FMN2: variants seen among roughly 807,000 people sequenced by gnomAD.
FMN2 encodes formin-2.
FMN2 carries 51 observed loss-of-function variants against 142.3 expected under a neutral mutation model. That is an observed-to-expected ratio of 0.36 (90% confidence interval 0.29 to 0.45). FMN2 has a LOEUF of 0.45. Among genes scored for constraint, FMN2 ranks in the 20% least tolerant of loss-of-function variants. The pLI, the probability that FMN2 is intolerant of heterozygous loss-of-function variation, is 1.00. For missense variants in FMN2, 1,936 were observed against 2,122.8 expected (o/e 0.91, Z 1.73); for synonymous variants, 882 against 869.8 (o/e 1.01, Z -0.25).
At chr1:240,246,868 A>G (rs1437600554) in intron 6 of FMN2, among the ~76,000 whole-genome samples, 4 of 152,188 alleles carry the variant, frequency 2.6e-5, no homozygotes, top group Admixed American at 6.5e-5. Flanking sequence ...TATAGATTTC[A>G]AATGTGTTAA....
chr1:240,270,013 C>T (rs754079562), intron 7 of FMN2, among the ~76,000 whole-genome samples: 1 of 151,950 alleles, frequency 6.6e-6, no homozygotes, highest in Admixed American at 6.6e-5. Flanking sequence ...TATCTGAATG[C>T]CTTTTATTTA....
chr1:240,184,539 T>A (rs1200639306), intron 3 of FMN2, among the ~76,000 whole-genome samples: 4 of 149,292 alleles, frequency 2.7e-5, no homozygotes, highest in Admixed American at 6.6e-5. Flanking sequence ...TTTTTTTTTT[T>A]AAGAACATTC....
At chr1:240,348,524 AT>A (rs35008419) in intron 13 of FMN2, among the ~76,000 whole-genome samples, 14,365 of 143,994 alleles carry the variant, frequency 0.1, 1,638 homozygotes, top group African/African-American at 0.3. Context: ...CGCCCAGCCT[AT>A]TTTTTTTTTT....
chr1:240,305,514 CTG>C (rs1670355902), intron 8 of FMN2, among the ~76,000 whole-genome samples: 2 of 152,128 alleles, frequency 1.3e-5, no homozygotes, highest in African/African-American at 2.4e-5. Flanking sequence ...AAAAATAAAA[CTG>C]TGCAGAGCCA....
chr1:240,222,788 CTGTT>C (rs1371148625), intron 6 of FMN2, among the ~76,000 whole-genome samples: 1 of 152,016 alleles, frequency 6.6e-6, no homozygotes, highest in Non-Finnish European at 1.5e-5. Flanking sequence ...ATTTGGCTCT[CTGTT>C]TGTCTATTAT....
chr1:240,446,299 T>C (rs922791902), intron 16 of FMN2, among the ~76,000 whole-genome samples: 3 of 152,210 alleles, frequency 2.0e-5, no homozygotes, highest in African/African-American at 4.8e-5. Flanking sequence ...AAACTCTCAG[T>C]AGGTAGTTCT....
At chr1:240,327,694 G>T (rs981950606) in intron 8 of FMN2, among the ~76,000 whole-genome samples, 6 of 152,036 alleles carry the variant, frequency 3.9e-5, no homozygotes, top group Non-Finnish European at 5.9e-5. Flanking sequence ...TGTGCTTCTT[G>T]AAGTCTATAA....
At chr1:240,211,706 G>A (rs1212628865) in intron 6 of FMN2, among the ~76,000 whole-genome samples, 1 of 152,188 alleles carries the variant, frequency 6.6e-6, no homozygotes, top group Non-Finnish European at 1.5e-5. Context: ...CACTGTACTT[G>A]AAATGTGGAA....
At chr1:240,141,534 C>CT (rs1663184583) in intron 2 of FMN2, among the ~76,000 whole-genome samples, 1 of 151,746 alleles carries the variant, frequency 6.6e-6, no homozygotes, top group Admixed American at 6.6e-5. Flanking sequence ...CACACAGCTA[C>CT]TTTTTTTATA....
At chr1:240,250,413 C>G (rs1369151807) in intron 6 of FMN2, among the ~76,000 whole-genome samples, 1 of 152,092 alleles carries the variant, frequency 6.6e-6, no homozygotes. Context: ...TATGTACAAC[C>G]ATTTTTGCAT....
At chr1:240,443,762 A>AT (rs1558110148) in intron 16 of FMN2, among the ~76,000 whole-genome samples, 2 of 151,964 alleles carry the variant, frequency 1.3e-5, no homozygotes, top group Non-Finnish European at 2.9e-5. Context: ...CAAAAAAAAA[A>AT]ATTTTTTTTT....
intron 3 of FMN2, among the ~76,000 whole-genome samples, chr1:240,181,660 G>A (rs1665158082): frequency 6.6e-6 from 1 of 152,130 alleles, no homozygotes; most frequent in Non-Finnish European, 1.5e-5. Flanking sequence ...ACCTTTTGAA[G>A]TCTGCAGAAC....
chr1:240,206,876 C>T lies in FMN2; in HGVS notation c.2064C>T (p.Thr688=), dbSNP rs778111719. 1.2e-6 allele frequency: 2 copies of T among 1,614,096 alleles called. No homozygotes were observed. The highest frequency in any genetic ancestry group is 1.7e-5 in the Admixed American group (1 of 60,014). The change falls in exon 5 of 18, where the codon ACC becomes ACT. Residue 688 remains threonine (T), a synonymous_variant. Transcript: ENST00000319653. ...QLEQTIEDLR[T]KIAELERQYP... is the part of the protein sequence containing the mutation. ...AACAGACTATTGAGGATCTGAGAAC[C>T]AAAATAGCTGAACTAGAGAGGCAGT...
chr1:240,144,434 T>C, intron 2 of FMN2: 5 of 1,599,414 alleles, frequency 3.1e-6, no homozygotes, highest in Non-Finnish European at 4.3e-6. Flanking sequence ...TGTCAGGTGC[T>C]CATACTCCTT....
chr1:240,198,415 C>G (rs754712326), intron 4 of FMN2, among the ~76,000 whole-genome samples: 20 of 152,204 alleles, frequency 1.3e-4, no homozygotes, highest in Admixed American at 3.9e-4. Flanking sequence ...ACGTACGCCT[C>G]TTCCTTCCAT....
Position 240,206,800 on chromosome 1 carries a change from A to G in FMN2, c.1988A>G (p.Glu663Gly). Reference protein sequence around the residue: ...PQKRSDAVQKEVVDMKSEGQA... With the variant: ...PQKRSDAVQKGVVDMKSEGQA... ...GTGTCTGTCCTTGTCGCCCTTCAGG[A>G]AGTTGTTGACATGAAGTCTGAGGGA... Residue 663 changes from glutamate (E) to glycine (G), a missense_variant and splice_region_variant, in exon 5 of 18, where the codon GAA (glutamate) becomes GGA (glycine). This residue lies in a region of FMN2 where 478 missense variants were observed against 462.8 expected (regional missense o/e 1.03). Coordinates refer to ENST00000319653, the MANE Select transcript of FMN2 (RefSeq NM_020066.5). The G allele has an allele frequency of 6.2e-7, 1 of 1,602,946 alleles. No individual in the cohort carries two copies. Among genetic ancestry groups the G allele is most frequent in the East Asian group, 2.2e-5 (1 of 44,558 alleles).
chr1:240,451,297 T>C (rs1421596654), intron 16 of FMN2, among the ~76,000 whole-genome samples: 1 of 149,276 alleles, frequency 6.7e-6, no homozygotes, highest in African/African-American at 2.5e-5. Flanking sequence ...AGGTGGAGGG[T>C]GCAGTGAGCC....
chr1:240,134,528 A>G (rs2103239747), intron 2 of FMN2, among the ~76,000 whole-genome samples: 1 of 152,198 alleles, frequency 6.6e-6, no homozygotes, highest in Middle Eastern at 3.4e-3. Context: ...GAGAGGTGGG[A>G]GGATCACTTG....
intron 7 of FMN2, among the ~76,000 whole-genome samples, chr1:240,264,921 G>A (rs1206017550): frequency 2.0e-5 from 3 of 152,140 alleles, no homozygotes; most frequent in Non-Finnish European, 4.4e-5. Context: ...GAAGAGGGGA[G>A]TTAATTCCCA....
Sources: allele counts gnomAD v4.1 joint callset (sites outside exome capture counted in the v4.1 genomes callset), GRCh38; gene constraint gnomAD v4.1.1; regional missense constraint gnomAD v4.1.1; transcripts MANE v1.5; gene names NCBI Gene and HGNC (gene_info 2026-07-23, HGNC 2026-07-21).